PHTF1: variants seen among roughly 807,000 people sequenced by gnomAD.
PHTF1 encodes protein PHTF1.
A neutral mutation model predicts 102.4 loss-of-function variants in PHTF1; 88 were observed. That is an observed-to-expected ratio of 0.86 (90% confidence interval 0.72 to 1.03). The LOEUF is 1.03. PHTF1 is among the 50% of genes least tolerant of loss of function. The pLI, the probability that PHTF1 is intolerant of heterozygous loss-of-function variation, is 0.00. For synonymous variants in PHTF1, 289 were observed against 305.2 expected, an observed-to-expected ratio of 0.95 and a Z score of 0.55; for missense variants, 814 against 909.5, an observed-to-expected ratio of 0.89 and a Z score of 1.35.
intron 3 of PHTF1, among the ~76,000 whole-genome samples, chr1:113,754,133 G>A (rs1228432436): frequency 6.6e-6 from 1 of 152,152 alleles, no homozygotes; most frequent in Non-Finnish European, 1.5e-5. Context: ...GAATATGGCT[G>A]GGCAGAGCGT....
intron 3 of PHTF1, among the ~76,000 whole-genome samples, chr1:113,744,541 G>A (rs1179053623): frequency 1.3e-5 from 2 of 152,088 alleles, no homozygotes; most frequent in Non-Finnish European, 2.9e-5. Flanking sequence ...CATCCATAAA[G>A]GACACCTTAT....
chr1:113,754,138 G>A (rs1190813249), intron 3 of PHTF1, among the ~76,000 whole-genome samples: 4 of 152,168 alleles, frequency 2.6e-5, no homozygotes, highest in South Asian at 2.1e-4. Flanking sequence ...TGGCTGGGCA[G>A]AGCGTCTCAT....
chr1:113,732,316 G>C (rs932637616), intron 5 of PHTF1, among the ~76,000 whole-genome samples: 1 of 152,058 alleles, frequency 6.6e-6, no homozygotes, highest in Non-Finnish European at 1.5e-5. Flanking sequence ...GTCAACATGG[G>C]GAAACCCCAT....
At chr1:113,750,633 C>T (rs982665637) in intron 3 of PHTF1, among the ~76,000 whole-genome samples, 3 of 149,830 alleles carry the variant, frequency 2.0e-5, no homozygotes, top group African/African-American at 7.4e-5. Flanking sequence ...CCAAGGCAGG[C>T]AGATCATGAA....
rs1653850459 is a variant in PHTF1 at position 113,726,478 on chromosome 1, C to T, written c.428G>A (p.Cys143Tyr). 1 of 1,611,338 alleles carries T rather than the reference C, an allele frequency of 6.2e-7. No individual in the cohort carries two copies. The highest frequency in any genetic ancestry group is 8.5e-7 in the Non-Finnish European group (1 of 1,178,340). ...CLMLLMGTVH[C>Y]QIVSTQITRP... ...TGTTATCTGAGTAGACACAATTTGA[C>T]AGTGGACAGTTCCCATGAGTAGCAT... The change falls in exon 6 of 19, where the codon TGT becomes TAT. Residue 143 changes from cysteine (C) to tyrosine (Y), a missense_variant. Physicochemically the swap from Cys to Tyr is radical, Grantham distance 194. Transcript: ENST00000369604.
At chr1:113,733,821 T>C (rs1342339621) in intron 5 of PHTF1, among the ~76,000 whole-genome samples, 3 of 151,900 alleles carry the variant, frequency 2.0e-5, no homozygotes, top group East Asian at 1.9e-4. Context: ...GAATGGGGGG[T>C]CCTACTATAA....
At chr1:113,711,916 T>C in intron 9 of PHTF1, 24 bp downstream of exon 9, 2 of 1,607,858 alleles carry the variant, frequency 1.2e-6, no homozygotes. Context: ...GTCCTATACT[T>C]TCATAAACTA....
intron 16 of PHTF1, chr1:113,700,120 T>C: frequency 2.0e-6 from 2 of 1,019,780 alleles, no homozygotes; most frequent in African/African-American, 1.7e-5. Flanking sequence ...ATCTTATTCA[T>C]CTCACTATCC....
In PHTF1 at chr1:113,738,212, C is replaced by G. The variant is rs1292410530; in HGVS notation, c.229G>C (p.Gly77Arg). 6.2e-7 allele frequency: 1 copy of G among 1,613,424 alleles called. No individual in the cohort carries two copies. The highest frequency in any genetic ancestry group is 1.7e-5 in the Admixed American group (1 of 59,992). Residue 77 changes from glycine (G) to arginine (R), a missense_variant, in exon 5 of 19, where the codon GGG becomes CGG. Physicochemically the swap from Gly to Arg is moderately radical, Grantham distance 125 (BLOSUM62 -2). Coordinates refer to ENST00000369604, the MANE Select transcript of PHTF1 (RefSeq NM_001323043.2). Reference protein sequence around the residue: ...EIPWTSLTRKGLVRVVFFPLF... With the variant: ...EIPWTSLTRKRLVRVVFFPLF... Reference sequence around the variant, plus strand: ...GGAAAAAATACAACTCGAACAAGCCCCTTCCGAGTCAGAGATGTCCATGGA... The same window carrying G: ...GGAAAAAATACAACTCGAACAAGCCGCTTCCGAGTCAGAGATGTCCATGGA...
chr1:113,756,083 AG>A (rs1239429034), intron 3 of PHTF1, among the ~76,000 whole-genome samples: 3 of 151,212 alleles, frequency 2.0e-5, no homozygotes, highest in Non-Finnish European at 4.4e-5. Context: ...AAAAAAAAAA[AG>A]GGTGAAGGAA....
intron 6 of PHTF1, chr1:113,725,638 A>G (rs557747324): frequency 2.6e-5 from 4 of 152,348 alleles, no homozygotes; most frequent in Non-Finnish European, 5.9e-5. Flanking sequence ...CATGAATTCA[A>G]TATGTAAAGA....
Position 113,738,133 on chromosome 1 carries a change from A to G in PHTF1, c.308T>C (p.Leu103Pro). Reference sequence around the variant, plus strand: ...ACCTTGCATGAAATAAAGTAGTAACAGCCAAACAAAGATTCTTAAAGAGGT... The same window carrying G: ...ACCTTGCATGAAATAAAGTAGTAACGGCCAAACAAAGATTCTTAAAGAGGT... ...QVTSLRIFVWLLLLYFMQVIA... is the reference protein window; with the variant it reads ...QVTSLRIFVWPLLLYFMQVIA... The change falls in exon 5 of 19, where the codon CTG becomes CCG. Residue 103 changes from leucine (L) to proline (P), a missense_variant. Coordinates refer to ENST00000369604, the MANE Select transcript of PHTF1 (RefSeq NM_001323043.2). 2.5e-6 allele frequency: 4 copies of G among 1,611,590 alleles called. No homozygotes were observed. Among genetic ancestry groups the G allele is most frequent in the Non-Finnish European group, 3.4e-6 (4 of 1,178,046 alleles).
chr1:113,739,138 C>A (rs1313133062), intron 3 of PHTF1, among the ~76,000 whole-genome samples: 1 of 152,162 alleles, frequency 6.6e-6, no homozygotes. Context: ...TAGGTGTTAG[C>A]CTCTGCGCCC....
intron 13 of PHTF1, among the ~76,000 whole-genome samples, chr1:113,705,506 T>A (rs959487014): frequency 6.6e-6 from 1 of 152,202 alleles, no homozygotes; most frequent in African/African-American, 2.4e-5. Context: ...CCTCCATCCA[T>A]AATTTTTATC....
At chr1:113,723,691 G>A (rs763893405) in intron 7 of PHTF1, among the ~76,000 whole-genome samples, 11 of 152,104 alleles carry the variant, frequency 7.2e-5, no homozygotes, top group Non-Finnish European at 1.5e-4. Context: ...AAACATTAGG[G>A]AAACTCTCCA....
intron 5 of PHTF1, among the ~76,000 whole-genome samples, chr1:113,727,201 C>T (rs960757684): frequency 4.6e-5 from 7 of 152,030 alleles, no homozygotes; most frequent in South Asian, 2.1e-4. Flanking sequence ...TATTCCTGTG[C>T]GGAGAAAAAG....
At chr1:113,725,031 CTA>C in intron 6 of PHTF1, 138 bp from the exon 7 acceptor site, 1 of 602,606 alleles carries the variant, frequency 1.7e-6, no homozygotes, top group South Asian at 2.9e-5. Context: ...TGCGGATAAA[CTA>C]TGCAAGAACT....
rs762890676 is a variant in PHTF1, at chr1:113,700,787, T to C, written c.2046+7A>G. On this transcript the variant is annotated splice_region_variant and intron_variant, in intron 16 of 18. Transcript: ENST00000369604. ...CACTAAACCCAATTGACAGGACTGA[T>C]CAATACCTGTTCTGTAAGTAATATT... 30 of 1,613,114 alleles carry C rather than the reference T, an allele frequency of 1.9e-5. No individual in the cohort carries two copies. The highest frequency in any genetic ancestry group is 8.9e-5 in the East Asian group (4 of 44,858).
chr1:113,755,976 A>T (rs1242656861), intron 3 of PHTF1, among the ~76,000 whole-genome samples: 1 of 151,112 alleles, frequency 6.6e-6, no homozygotes, highest in African/African-American at 2.4e-5. Flanking sequence ...CTGAGGCAGG[A>T]GAATGGTGTG....
Sources: allele counts gnomAD v4.1 joint callset (sites outside exome capture counted in the v4.1 genomes callset), GRCh38; gene constraint gnomAD v4.1.1; transcripts MANE v1.5; gene names NCBI Gene and HGNC (gene_info 2026-07-23, HGNC 2026-07-21).